The following COLEC12 variants were observed in gnomAD, a reference collection of about 807,000 sequenced individuals.
The protein encoded by COLEC12 is collectin subfamily member 12.
COLEC12 carries 33 observed loss-of-function variants against 71.1 expected under a neutral mutation model. That is an observed-to-expected ratio of 0.46 (90% confidence interval 0.35 to 0.62). The LOEUF (loss-of-function observed/expected upper bound fraction) is 0.62. Among genes scored for constraint, COLEC12 ranks in the 20% least tolerant of loss-of-function variants. COLEC12 has a pLI of 0.00. For missense variants in COLEC12, 765 were observed against 916.1 expected, an observed-to-expected ratio of 0.84 and a Z score of 2.13; for synonymous variants, 350 against 353.0, an observed-to-expected ratio of 0.99 and a Z score of 0.10.
chr18:366,768 A>G (rs949906392), intron 2 of COLEC12, among the ~76,000 whole-genome samples: 2 of 152,002 alleles, frequency 1.3e-5, no homozygotes, highest in African/African-American at 4.8e-5. Flanking sequence ...GGATTTCACA[A>G]TCTCCTCTCC....
At chr18:382,473 TG>T (rs1199659886) in intron 2 of COLEC12, among the ~76,000 whole-genome samples, 1 of 152,134 alleles carries the variant, frequency 6.6e-6, no homozygotes, top group African/African-American at 2.4e-5. Context: ...ATACATGACC[TG>T]AAAAAACAGG....
chr18:441,265 A>ATAAC (rs998184972), intron 2 of COLEC12, among the ~76,000 whole-genome samples: 15 of 152,000 alleles, frequency 9.9e-5, no homozygotes, highest in Admixed American at 9.2e-4. Flanking sequence ...AAATAAATAA[A>ATAAC]TAATAATAAA....
intron 8 of COLEC12, among the ~76,000 whole-genome samples, chr18:328,835 C>T (rs1044202809): frequency 3.3e-5 from 5 of 152,208 alleles, no homozygotes; most frequent in Non-Finnish European, 4.4e-5. Flanking sequence ...CTCCCTCCCT[C>T]GGCTGCACTG....
chr18:454,100 C>A (rs1916816328), intron 2 of COLEC12, among the ~76,000 whole-genome samples: 1 of 152,206 alleles, frequency 6.6e-6, no homozygotes, highest in South Asian at 2.1e-4. Context: ...CCTCTGAAGG[C>A]TTTCCATAGA....
chr18:343,730 A>G (rs1364519000), intron 5 of COLEC12, among the ~76,000 whole-genome samples: 2 of 152,142 alleles, frequency 1.3e-5, no homozygotes, highest in Non-Finnish European at 2.9e-5. Flanking sequence ...CTGGGCTCGG[A>G]TTCCACTGAG....
At chr18:497,243 T>C (rs935273488) in intron 1 of COLEC12, among the ~76,000 whole-genome samples, 1 of 152,184 alleles carries the variant, frequency 6.6e-6, no homozygotes, top group African/African-American at 2.4e-5. Context: ...AAAGGCCATA[T>C]CCAGGTTTAA....
At chr18:375,461 C>A (rs893395566) in intron 2 of COLEC12, among the ~76,000 whole-genome samples, 2 of 152,190 alleles carry the variant, frequency 1.3e-5, no homozygotes, top group Non-Finnish European at 2.9e-5. Context: ...CCTCCTCCCC[C>A]ATGCCTCCAT....
chr18:445,308 C>T (rs1008106588), intron 2 of COLEC12, among the ~76,000 whole-genome samples: 1 of 152,172 alleles, frequency 6.6e-6, no homozygotes, highest in Non-Finnish European at 1.5e-5. Context: ...GCTACCATTT[C>T]GCAACTTTGC....
chr18:352,514 A>T (rs187768129), intron 3 of COLEC12, among the ~76,000 whole-genome samples: 1 of 152,322 alleles, frequency 6.6e-6, no homozygotes, highest in East Asian at 1.9e-4. Context: ...ATTAAAAAAA[A>T]GAACAAAAAA....
At chr18:496,505 T>C (rs946624917) in intron 1 of COLEC12, among the ~76,000 whole-genome samples, 1 of 152,188 alleles carries the variant, frequency 6.6e-6, no homozygotes, top group Admixed American at 6.5e-5. Flanking sequence ...CTTTAGAAAA[T>C]ATGACTCTTT....
intron 2 of COLEC12, among the ~76,000 whole-genome samples, chr18:442,216 T>C (rs1219500061): frequency 1.3e-5 from 2 of 152,208 alleles, no homozygotes; most frequent in Admixed American, 6.5e-5. Flanking sequence ...TAAAGGCTAC[T>C]GTGGCTCTCC....
chr18:363,644 C>A (rs554460802), intron 2 of COLEC12, among the ~76,000 whole-genome samples: 45 of 152,106 alleles, frequency 3.0e-4, no homozygotes, highest in African/African-American at 9.9e-4. Flanking sequence ...ATTAAAATGG[C>A]CCCAAAAGCA....
chr18:452,200 A>C (rs1457013543), intron 2 of COLEC12, among the ~76,000 whole-genome samples: 3 of 152,230 alleles, frequency 2.0e-5, no homozygotes, highest in African/African-American at 7.2e-5. Context: ...AAAAACTTGA[A>C]TTGTGCACCT....
chr18:476,945 G>A (rs1486299373), intron 2 of COLEC12, among the ~76,000 whole-genome samples: 2 of 152,212 alleles, frequency 1.3e-5, no homozygotes, highest in South Asian at 2.1e-4. Flanking sequence ...ACCCTTCAAA[G>A]TCTCCCCTCA....
At chr18:475,486 C>T (rs931872818) in intron 2 of COLEC12, among the ~76,000 whole-genome samples, 9 of 152,094 alleles carry the variant, frequency 5.9e-5, no homozygotes, top group African/African-American at 2.2e-4. Context: ...GCCAGGCTTC[C>T]AGGAAGAGTC....
chr18:321,924 G>T, intron 8 of COLEC12, 117 bp from the exon 9 acceptor site: 1 of 1,013,122 alleles, frequency 9.9e-7, no homozygotes, highest in Non-Finnish European at 1.5e-6. Flanking sequence ...ATCCTGGAAT[G>T]AAAATGCAGT....
intron 2 of COLEC12, among the ~76,000 whole-genome samples, chr18:392,826 T>A (rs560638051): frequency 3.9e-5 from 6 of 152,354 alleles, no homozygotes; most frequent in African/African-American, 7.2e-5. Context: ...CTGCACTTAG[T>A]CCAGAATGAC....
intron 2 of COLEC12, among the ~76,000 whole-genome samples, chr18:439,827 A>G (rs1241174613): frequency 6.6e-6 from 1 of 152,188 alleles, no homozygotes; most frequent in Non-Finnish European, 1.5e-5. Context: ...TGATCCAGCA[A>G]TTTCACTTCT....
chr18:388,331 T>C (rs1386026438), intron 2 of COLEC12, among the ~76,000 whole-genome samples: 1 of 152,184 alleles, frequency 6.6e-6, no homozygotes, highest in Non-Finnish European at 1.5e-5. Flanking sequence ...GAGGCCTAGA[T>C]TGATGTTTCA....
Sources: gnomAD v4.1 joint callset for allele counts (sites outside exome capture counted in the v4.1 genomes callset) on GRCh38, gnomAD v4.1.1 for gene constraint, MANE v1.5 for transcripts, NCBI Gene and HGNC (gene_info 2026-07-23, HGNC 2026-07-21) for gene names.